Variants in SP1 observed in about 807,000 individuals in gnomAD.
SP1 encodes transcription factor Sp1.
In SP1, 6 loss-of-function variants were observed where a neutral mutation model predicts 66.3. The observed-to-expected ratio is 0.09, with a 90% CI of 0.05 to 0.18. SP1 has a LOEUF of 0.18. Ranked by LOEUF, SP1 falls within the 10% of genes least tolerant of loss-of-function variation. SP1 has a pLI of 1.00. For missense variants in SP1, 848 were observed against 964.5 expected (o/e 0.88, Z 1.60); for synonymous variants, 417 against 360.8 (o/e 1.16, Z -1.77).
chr12:53,389,834 A>G (rs929524590), intron 3 of SP1, among the ~76,000 whole-genome samples: 50 of 152,222 alleles, frequency 3.3e-4, no homozygotes, highest in African/African-American at 1.2e-3. Flanking sequence ...GTTCTGTCTA[A>G]TAAAGAGTGC....
intron 3 of SP1, among the ~76,000 whole-genome samples, chr12:53,386,386 A>G (rs1004417385): frequency 7.2e-5 from 11 of 152,146 alleles, no homozygotes; most frequent in African/African-American, 2.4e-4. Flanking sequence ...TCTGTTGACC[A>G]TAATGTTCAG....
chr12:53,387,732 T>G (rs781394792), intron 3 of SP1, among the ~76,000 whole-genome samples: 1 of 152,160 alleles, frequency 6.6e-6, no homozygotes, highest in Non-Finnish European at 1.5e-5. Flanking sequence ...ACGCCTGTAA[T>G]CCCAGCACTT....
At chr12:53,388,080 ATAAAC>A in intron 3 of SP1, among the ~76,000 whole-genome samples, 2 of 152,228 alleles carry the variant, frequency 1.3e-5, no homozygotes, top group African/African-American at 4.8e-5. Flanking sequence ...AAAATGTTTT[ATAAAC>A]TAAACATTTA....
At chr12:53,408,918 C>T (rs998249557) in intron 4 of SP1, among the ~76,000 whole-genome samples, 5 of 146,940 alleles carry the variant, frequency 3.4e-5, no homozygotes, top group South Asian at 2.2e-4. Context: ...AACAAACAAA[C>T]GAACAAAAAA....
chr12:53,397,437 C>G (rs1187223139), intron 3 of SP1, among the ~76,000 whole-genome samples: 2 of 150,676 alleles, frequency 1.3e-5, no homozygotes, highest in African/African-American at 2.4e-5. Context: ...TTTAAGACAT[C>G]TAAACACTAT....
chr12:53,380,946 C>CTTT (rs35296566), intron 1 of SP1, among the ~76,000 whole-genome samples: 447 of 100,784 alleles, frequency 4.4e-3, no homozygotes, highest in African/African-American at 0.011. Flanking sequence ...TTTTGTTTGT[C>CTTT]TTTTTTTTTT....
chr12:53,380,542 C>A, intron 1 of SP1: 1 of 655,506 alleles, frequency 1.5e-6, no homozygotes, highest in Non-Finnish European at 2.0e-6. Flanking sequence ...GCCCCCTGCC[C>A]GCCCCGGCCA....
At chr12:53,410,298 C>CT (rs1938851258) in intron 5 of SP1, among the ~76,000 whole-genome samples, 1 of 151,906 alleles carries the variant, frequency 6.6e-6, no homozygotes, top group African/African-American at 2.4e-5. Context: ...GAGCAAGACT[C>CT]TGTCTCAAAA....
chr12:53,382,580 C>G lies in SP1; in HGVS notation c.633C>G (p.Asn211Lys). The G allele has an allele frequency of 6.2e-7, 1 of 1,614,144 alleles. No individual in the cohort carries two copies. Among genetic ancestry groups the G allele is most frequent in the Non-Finnish European group, 8.5e-7 (1 of 1,180,022 alleles). The change falls in exon 3 of 6, where the codon AAC becomes AAG. Residue 211 changes from asparagine to lysine, a missense_variant. By Grantham distance (94) the Asn-to-Lys change is moderately conservative. This residue lies in a region of SP1 where 606 missense variants were observed against 589.9 expected (regional missense o/e 1.03). Coordinates refer to ENST00000327443, the MANE Select transcript of SP1 (RefSeq NM_138473.3). ...SGQIQIIPGA[N>K]QQIITNRGSG... is the part of the protein sequence containing the mutation. The stretch of plus-strand genomic sequence containing the variant: ...AAATACAGATCATACCAGGTGCAAA[C>G]CAACAGATTATCACAAATCGAGGAA...
intron 3 of SP1, among the ~76,000 whole-genome samples, chr12:53,399,145 T>A (rs1938552133): frequency 6.6e-6 from 1 of 152,216 alleles, no homozygotes; most frequent in African/African-American, 2.4e-5. Context: ...ATTACTAGAA[T>A]TAACTTAACC....
chr12:53,385,992 G>A (rs565582115), intron 3 of SP1, among the ~76,000 whole-genome samples: 128 of 152,152 alleles, frequency 8.4e-4, no homozygotes, highest in African/African-American at 2.9e-3. Context: ...CTTGTGAACT[G>A]TAACTCCTAA....
Position 53,411,270 on chromosome 12 carries a change from G to A in SP1, c.*30G>A. 1 of 1,571,670 alleles carries A rather than the reference G, an allele frequency of 6.4e-7. No homozygotes were observed. Among genetic ancestry groups the A allele is most frequent in the Non-Finnish European group, 8.7e-7 (1 of 1,152,192 alleles). On this transcript the variant is annotated 3_prime_UTR_variant, in exon 6 of 6. Transcript: ENST00000327443. ...AGGCACCCGGGGCCAGAGACATATG[G>A]GCCATACCCCTTAACCCCGGGATGC... is the stretch of plus-strand genomic sequence containing the variant.
Position 53,380,315 on chromosome 12 carries a change from T to G in SP1, c.7+17T>G. 1 of 1,453,616 alleles carries G rather than the reference T, an allele frequency of 6.9e-7. No homozygotes were observed. The highest frequency in any genetic ancestry group is 1.5e-5 in the African/African-American group (1 of 64,834). 90.0% of individuals were successfully genotyped at this position (1,453,616 alleles called of 1,614,324 possible). The stretch of plus-strand genomic sequence containing the variant: ...CCATGAGCGGTAAGGATGAGTCCAC[T>G]CCAAGCTTAGGGGTGGGAGGCGAGT... On this transcript the variant is annotated intron_variant, in intron 1 of 5. Coordinates refer to ENST00000327443, the MANE Select transcript of SP1 (RefSeq NM_138473.3).
chr12:53,380,455 C>T (rs1429896988), intron 1 of SP1, among the ~76,000 whole-genome samples, 157 bp downstream of exon 1: 1 of 150,118 alleles, frequency 6.7e-6, no homozygotes, highest in East Asian at 2.0e-4. Flanking sequence ...GGGAGGGAGA[C>T]GGGGCAGTGG....
intron 3 of SP1, among the ~76,000 whole-genome samples, chr12:53,395,421 G>A (rs1938464954): frequency 6.6e-6 from 1 of 151,958 alleles, no homozygotes; most frequent in Non-Finnish European, 1.5e-5. Context: ...ACATTTTAAG[G>A]CTTCTTATTT....
At chr12:53,380,973 G>A (rs1162297661) in intron 1 of SP1, among the ~76,000 whole-genome samples, 1 of 101,290 alleles carries the variant, frequency 9.9e-6, no homozygotes, top group Non-Finnish European at 1.8e-5. Context: ...TTTTTGAGAC[G>A]GAGTTTTCGC....
chr12:53,381,078 G>C (rs1938086197), intron 1 of SP1, among the ~76,000 whole-genome samples: 2 of 150,818 alleles, frequency 1.3e-5, no homozygotes, highest in African/African-American at 4.9e-5. Context: ...CAGCCTCCGG[G>C]AGTAGCTGGA....
At chr12:53,401,658 C>T (rs1032304156) in intron 3 of SP1, among the ~76,000 whole-genome samples, 1 of 151,946 alleles carries the variant, frequency 6.6e-6, no homozygotes, top group Non-Finnish European at 1.5e-5. Context: ...TGGTGTATAT[C>T]TTATTTCATG....
At position 53,414,161 on chromosome 12, in the gene SP1, A is replaced by T. The variant is rs1008683250; in HGVS notation, c.*2921A>T. On this transcript the variant is annotated 3_prime_UTR_variant, in exon 6 of 6. Coordinates refer to ENST00000327443, the MANE Select transcript of SP1 (RefSeq NM_138473.3). ...AACTGACATGCATATTGATTCTGAA[A>T]TTTTTTTCCTAAGTTTTTTTCATTT... 10 of 152,140 alleles carry T rather than the reference A, an allele frequency of 6.6e-5. No individual in the cohort carries two copies. The highest frequency in any genetic ancestry group is 2.4e-4 in the African/African-American group (10 of 41,428). The allele number at this position is 152,140 out of a possible 1,614,324, so 9.4% of individuals were successfully genotyped here.
Sources: gnomAD v4.1 joint callset for allele counts (sites outside exome capture counted in the v4.1 genomes callset) on GRCh38, gnomAD v4.1.1 for gene constraint, gnomAD v4.1.1 regional missense constraint, MANE v1.5 for transcripts, NCBI Gene and HGNC (gene_info 2026-07-23, HGNC 2026-07-21) for gene names.